The following CSMD1 variants were observed in gnomAD, a reference collection of about 807,000 sequenced individuals.
The protein encoded by CSMD1 is CUB and Sushi multiple domains 1, also known as CUB and sushi domain-containing protein 1.
Under a neutral mutation model 417.5 loss-of-function variants are expected in CSMD1, and 213 were observed. That is an observed-to-expected ratio of 0.51 (90% CI 0.46 to 0.57). The LOEUF (loss-of-function observed/expected upper bound fraction) is 0.57, where lower values mean the gene tolerates loss of function less well. CSMD1 is among the 20% of genes least tolerant of loss of function. The pLI, the probability that CSMD1 is intolerant of heterozygous loss-of-function variation, is 0.00. For missense variants in CSMD1, 6,923 were observed against 4,529.7 expected, an observed-to-expected ratio of 1.53 and a Z score of -15.17; for synonymous variants, 2,862 against 1,736.8, an observed-to-expected ratio of 1.65 and a Z score of -16.11.
chr8:4,402,367 CCCTTGTT>C (rs1437904724), intron 3 of CSMD1, among the ~76,000 whole-genome samples: 1 of 152,070 alleles, frequency 6.6e-6, no homozygotes, highest in East Asian at 1.9e-4. Context: ...ACCCTCAATT[CCCTTGTT>C]CCTCTCTGGC....
chr8:4,719,903 C>G (rs989982331), intron 1 of CSMD1, among the ~76,000 whole-genome samples: 3 of 152,006 alleles, frequency 2.0e-5, no homozygotes, highest in Non-Finnish European at 4.4e-5. Context: ...TATATTCGAC[C>G]TCACTTTTTA....
intron 3 of CSMD1, among the ~76,000 whole-genome samples, chr8:4,332,695 A>G (rs1335933314): frequency 1.3e-5 from 2 of 151,932 alleles, no homozygotes; most frequent in Non-Finnish European, 2.9e-5. Flanking sequence ...GGAATATTAA[A>G]TTACATGAAA....
chr8:3,274,808 G>T (rs968891614), intron 26 of CSMD1, among the ~76,000 whole-genome samples: 3 of 151,898 alleles, frequency 2.0e-5, no homozygotes, highest in Admixed American at 2.0e-4. Flanking sequence ...CTTTCATTTT[G>T]AGCCTATGTG....
intron 50 of CSMD1, among the ~76,000 whole-genome samples, chr8:3,030,800 T>C (rs926255940): frequency 6.6e-6 from 1 of 152,096 alleles, no homozygotes; most frequent in Non-Finnish European, 1.5e-5. Flanking sequence ...TCAAATTCTA[T>C]ACAAGTTTAT....
intron 6 of CSMD1, among the ~76,000 whole-genome samples, chr8:3,749,533 G>T (rs1797222497): frequency 6.6e-6 from 1 of 152,080 alleles, no homozygotes; most frequent in Non-Finnish European, 1.5e-5. Context: ...AAATGTAAGG[G>T]AAGAGTAGAA....
At chr8:4,254,668 C>G (rs193165981) in intron 3 of CSMD1, among the ~76,000 whole-genome samples, 2 of 152,260 alleles carry the variant, frequency 1.3e-5, no homozygotes, top group Admixed American at 1.3e-4. Context: ...ACAGGTGTAC[C>G]ATTCTTACGT....
At position 3,489,313 on chromosome 8, in the gene CSMD1, T is replaced by C. The variant is rs111439804; in HGVS notation, c.1448+4310A>G. On this transcript the variant is annotated intron_variant, in intron 11 of 69. Transcript: ENST00000635120. ...TCTGGTTAGGCAGAGGCTACCCTAC[T>C]TGCTCACAGATGTCCCTAATAATAT... is the stretch of plus-strand genomic sequence containing the variant. Among the ~76,000 whole-genome samples, 1,437 of 152,328 alleles carry C rather than the reference T, an allele frequency of 9.4e-3. 14 individuals carry two copies. The highest frequency in any genetic ancestry group is 0.017 in the Admixed American group (263 of 15,290).
intron 3 of CSMD1, among the ~76,000 whole-genome samples, chr8:4,041,122 T>G (rs1366605335): frequency 8.0e-4 from 120 of 149,422 alleles, no homozygotes; most frequent in South Asian, 7.5e-3. Flanking sequence ...GTTCCCGCCA[T>G]TCTCCTGCCT....
At chr8:4,189,394 C>G (rs190307325) in intron 3 of CSMD1, among the ~76,000 whole-genome samples, 12 of 152,208 alleles carry the variant, frequency 7.9e-5, no homozygotes, top group African/African-American at 1.7e-4. Context: ...CTAACTCTAC[C>G]TAAAAGTTTG....
intron 5 of CSMD1, among the ~76,000 whole-genome samples, chr8:3,995,339 T>C (rs1367499360): frequency 7.2e-5 from 11 of 152,164 alleles, no homozygotes; most frequent in African/African-American, 2.7e-4. Context: ...AAGATACTTC[T>C]TTTGACTATT....
At chr8:4,984,724 G>C (rs1362475727) in intron 1 of CSMD1, among the ~76,000 whole-genome samples, 3 of 152,166 alleles carry the variant, frequency 2.0e-5, no homozygotes. Context: ...ACTTCTATGT[G>C]GGTAGAAGAT....
intron 2 of CSMD1, among the ~76,000 whole-genome samples, chr8:4,493,001 T>C (rs1585161768): frequency 6.6e-6 from 1 of 152,190 alleles, no homozygotes; most frequent in Admixed American, 6.5e-5. Flanking sequence ...GATCTGAAGA[T>C]CAAGGTTGTG....
At chr8:4,420,607 A>C (rs1797194464) in intron 2 of CSMD1, among the ~76,000 whole-genome samples, 1 of 152,166 alleles carries the variant, frequency 6.6e-6, no homozygotes, top group Non-Finnish European at 1.5e-5. Context: ...CAAACATGAA[A>C]GTATTGCAAA....
At chr8:4,175,746 T>C (rs1280986029) in intron 3 of CSMD1, among the ~76,000 whole-genome samples, 4 of 151,916 alleles carry the variant, frequency 2.6e-5, no homozygotes, top group Non-Finnish European at 5.9e-5. Flanking sequence ...AAAATAATGG[T>C]GAAATATTAA....
chr8:4,726,675 T>C (rs1198415126), intron 1 of CSMD1, among the ~76,000 whole-genome samples: 1 of 152,236 alleles, frequency 6.6e-6, no homozygotes, highest in Non-Finnish European at 1.5e-5. Context: ...GTTGCTCTGC[T>C]GCTGTCCTAT....
At chr8:3,335,468 G>A (rs145946523) in intron 23 of CSMD1, among the ~76,000 whole-genome samples, 1,713 of 152,184 alleles carry the variant, frequency 0.011, 36 homozygotes, top group African/African-American at 0.039. Flanking sequence ...ATCTGAGGTC[G>A]GGAGATCGAG....
intron 3 of CSMD1, among the ~76,000 whole-genome samples, chr8:4,289,511 C>G (rs915462663): frequency 1.3e-5 from 2 of 152,122 alleles, no homozygotes; most frequent in Non-Finnish European, 2.9e-5. Flanking sequence ...TGTCCACTGT[C>G]AGTATGAGCA....
intron 5 of CSMD1, among the ~76,000 whole-genome samples, chr8:3,778,618 G>A (rs1799018102): frequency 6.6e-6 from 1 of 152,138 alleles, no homozygotes; most frequent in African/African-American, 2.4e-5. Context: ...TCTCTGTTCT[G>A]CACCTCTCCT....
chr8:3,442,811 G>A (rs1170969246), intron 12 of CSMD1, among the ~76,000 whole-genome samples: 3 of 151,958 alleles, frequency 2.0e-5, no homozygotes, highest in Non-Finnish European at 4.4e-5. Context: ...CTATATTTAT[G>A]AGAGATATTA....
Sources: allele counts gnomAD v4.1 joint callset (sites outside exome capture counted in the v4.1 genomes callset), GRCh38; gene constraint gnomAD v4.1.1; transcripts MANE v1.5; gene names NCBI Gene and HGNC (gene_info 2026-07-23, HGNC 2026-07-21).